Variants in PTBP3 observed in about 807,000 individuals in gnomAD.
PTBP3 encodes polypyrimidine tract binding protein 3.
PTBP3 carries 20 observed loss-of-function variants against 58.7 expected under a neutral mutation model. The observed-to-expected ratio is 0.34, with a 90% CI of 0.24 to 0.50. The LOEUF is 0.50. Ranked by LOEUF, PTBP3 falls within the 20% of genes least tolerant of loss-of-function variation. PTBP3 has a pLI of 0.98. For missense variants in PTBP3, 509 were observed against 637.2 expected (o/e 0.80, Z 2.17); for synonymous variants, 185 against 219.8 (o/e 0.84, Z 1.40).
chr9:112,362,389 G>A, the PTBP3 span, among the ~76,000 whole-genome samples: 2 of 152,170 alleles, frequency 1.3e-5, no homozygotes, highest in African/African-American at 4.8e-5. Flanking sequence ...AGAATTCTGT[G>A]TATATATTGG....
the PTBP3 span, among the ~76,000 whole-genome samples, chr9:112,364,840 T>C: frequency 6.6e-6 from 1 of 152,188 alleles, no homozygotes; most frequent in Non-Finnish European, 1.5e-5. Context: ...CATACTTACA[T>C]ACATTACCAC....
chr9:112,334,029 G>A (rs1302317269), upstream of PTBP3, among the ~76,000 whole-genome samples: 10 of 151,866 alleles, frequency 6.6e-5, no homozygotes, highest in Admixed American at 5.9e-4. Context: ...AAAAGCTATG[G>A]GGACCTGACT....
At chr9:112,267,793 G>A (rs1338759222) in intron 4 of PTBP3, among the ~76,000 whole-genome samples, 2 of 152,094 alleles carry the variant, frequency 1.3e-5, no homozygotes, top group African/African-American at 4.8e-5. Context: ...GAGATTTTAA[G>A]ATGTACATAA....
intron 5 of PTBP3, among the ~76,000 whole-genome samples, chr9:112,257,530 A>C (rs1836420743): frequency 6.6e-6 from 1 of 152,200 alleles, no homozygotes; most frequent in Admixed American, 6.5e-5. Context: ...AGACTGTAAC[A>C]CAGGACTAAG....
chr9:112,328,791 A>C (rs1830255137), intron 1 of PTBP3, among the ~76,000 whole-genome samples: 1 of 152,228 alleles, frequency 6.6e-6, no homozygotes, highest in Non-Finnish European at 1.5e-5. Context: ...AAAAACAAAC[A>C]AAAAACCATG....
chr9:112,295,217 C>G (rs1273213464), intron 2 of PTBP3, among the ~76,000 whole-genome samples: 1 of 145,460 alleles, frequency 6.9e-6, no homozygotes, highest in Non-Finnish European at 1.5e-5. Flanking sequence ...CCAGCCTGGG[C>G]GAGACAGAGC....
intron 5 of PTBP3, among the ~76,000 whole-genome samples, chr9:112,256,272 A>AATATATATACATATATATATATAT (rs1260010370): frequency 7.2e-5 from 6 of 82,956 alleles, no homozygotes; most frequent in African/African-American, 4.2e-4. Flanking sequence ...AAAAAAACAA[A>AATATATATACATATATATATATAT]ATATATATAT....
the PTBP3 span, among the ~76,000 whole-genome samples, chr9:112,339,482 A>G: frequency 2.0e-5 from 3 of 151,390 alleles, no homozygotes; most frequent in African/African-American, 7.3e-5. Flanking sequence ...CCCAGACCCC[A>G]CTTAGAAGTA....
chr9:112,356,967 C>T, the PTBP3 span, among the ~76,000 whole-genome samples: 10 of 149,810 alleles, frequency 6.7e-5, no homozygotes, highest in Non-Finnish European at 1.3e-4. Context: ...GCAACCTCCA[C>T]CTCCCAGGTT....
chr9:112,319,704 G>A (rs1829843648), intron 1 of PTBP3, among the ~76,000 whole-genome samples: 1 of 114,790 alleles, frequency 8.7e-6, no homozygotes, highest in East Asian at 2.2e-4. Flanking sequence ...GAGTCAGTAT[G>A]TTGAAAAGAC....
chr9:112,287,921 C>T (rs1828215374), intron 2 of PTBP3, among the ~76,000 whole-genome samples: 1 of 152,096 alleles, frequency 6.6e-6, no homozygotes, highest in South Asian at 2.1e-4. Flanking sequence ...TAATTTTTCA[C>T]TTGTTTATGG....
chr9:112,269,266 G>A (rs566820365), intron 3 of PTBP3, among the ~76,000 whole-genome samples: 1 of 151,404 alleles, frequency 6.6e-6, no homozygotes, highest in East Asian at 1.9e-4. Flanking sequence ...AATTTAATGG[G>A]GGCAATTAGG....
the PTBP3 span, among the ~76,000 whole-genome samples, chr9:112,370,403 T>C: frequency 0.07 from 10,646 of 152,150 alleles, 789 homozygotes; most frequent in African/African-American, 0.19. Context: ...AATAGTGGTG[T>C]GGTCATGCAT....
At chr9:112,297,559 T>G (rs1828743265) in intron 2 of PTBP3, among the ~76,000 whole-genome samples, 1 of 152,192 alleles carries the variant, frequency 6.6e-6, no homozygotes, top group Non-Finnish European at 1.5e-5. Context: ...GGTCACCAAT[T>G]TATTGACAGT....
chr9:112,314,963 C>T (rs1182068380), intron 1 of PTBP3, among the ~76,000 whole-genome samples: 1 of 152,058 alleles, frequency 6.6e-6, no homozygotes, highest in Non-Finnish European at 1.5e-5. Context: ...TCCCAAGTAG[C>T]TGGGACTACA....
rs115965927 is a variant in PTBP3, at chr9:112,274,072, T to C, written c.204+1772A>G. ...ACCATACTATTCTCAGTAGTAGCAATTGTGTTAAAATAACGATCTAACTGG... is the reference window on the plus strand; with the variant it reads ...ACCATACTATTCTCAGTAGTAGCAACTGTGTTAAAATAACGATCTAACTGG... On this transcript the variant is annotated intron_variant, in intron 3 of 13. Transcript: ENST00000374257. 8.6e-3 allele frequency among the ~76,000 whole-genome samples: 1,315 copies of C among 152,268 alleles called. 23 individuals are homozygous for C. Among genetic ancestry groups the C allele is most frequent in the African/African-American group, 0.03 (1,250 of 41,532 alleles).
At position 112,219,544 on chromosome 9, in the gene PTBP3, C is replaced by A. The variant is rs767306675; in HGVS notation, c.*4307G>T. 6.6e-6 allele frequency: 1 copy of A among 152,572 alleles called. No individual in the cohort carries two copies. Among genetic ancestry groups the A allele is most frequent in the Non-Finnish European group, 1.5e-5 (1 of 68,024 alleles). The allele number at this position is 152,572 out of a possible 1,614,324, so 9.5% of individuals were successfully genotyped here. A position where few individuals can be genotyped will look rare whatever the true frequency, so the allele number is the denominator to read the frequency against. ...GTTACAAAAACTAAGGAAACTACCACAAAGATTTTGAGCAGCTCTATTCTT... is the reference window on the plus strand; with the variant it reads ...GTTACAAAAACTAAGGAAACTACCAAAAAGATTTTGAGCAGCTCTATTCTT... On this transcript the variant is annotated 3_prime_UTR_variant, in exon 14 of 14. Transcript: ENST00000374257.
At chr9:112,288,881 C>T (rs770390094) in intron 2 of PTBP3, among the ~76,000 whole-genome samples, 2 of 152,152 alleles carry the variant, frequency 1.3e-5, no homozygotes, top group Non-Finnish European at 2.9e-5. Flanking sequence ...AAGCAACCCG[C>T]ATTTCTTGCT....
intron 3 of PTBP3, 92 bp from the exon 4 acceptor site, chr9:112,268,287 G>T: frequency 1.5e-6 from 2 of 1,299,434 alleles, no homozygotes; most frequent in African/African-American, 1.5e-5. Flanking sequence ...CTAAACCCAT[G>T]CACTCTCAAG....
Sources: allele counts gnomAD v4.1 joint callset (sites outside exome capture counted in the v4.1 genomes callset), GRCh38; gene constraint gnomAD v4.1.1; transcripts MANE v1.5; gene names NCBI Gene and HGNC (gene_info 2026-07-23, HGNC 2026-07-21).